KHDRBS2: variants seen among roughly 807,000 people sequenced by gnomAD.
KHDRBS2 encodes KH domain-containing, RNA-binding, signal transduction-associated protein 2.
A neutral mutation model predicts 44.3 loss-of-function variants in KHDRBS2; 26 were observed. The ratio of observed to expected loss-of-function variants is 0.59; its 90% CI spans 0.43 to 0.81. The LOEUF is 0.81. KHDRBS2 is among the 40% of genes least tolerant of loss of function. The pLI, the probability that KHDRBS2 is intolerant of heterozygous loss-of-function variation, is 0.00. For missense variants in KHDRBS2, 476 were observed against 433.1 expected (o/e 1.10, Z -0.88); for synonymous variants, 194 against 151.1 (o/e 1.28, Z -2.08).
chr6:61,574,778 G>A, the KHDRBS2 span, among the ~76,000 whole-genome samples: 2 of 151,914 alleles, frequency 1.3e-5, no homozygotes, highest in Admixed American at 1.3e-4. Flanking sequence ...GTGTGGTGGC[G>A]GGGGCCCGTA....
intron 4 of KHDRBS2, among the ~76,000 whole-genome samples, chr6:61,968,290 G>A (rs932408850): frequency 1.3e-5 from 2 of 151,968 alleles, no homozygotes; most frequent in South Asian, 2.1e-4. Context: ...AGATATGAGA[G>A]TATTCCTGAA....
chr6:61,631,662 C>T, the KHDRBS2 span, among the ~76,000 whole-genome samples: 1 of 152,030 alleles, frequency 6.6e-6, no homozygotes, highest in Non-Finnish European at 1.5e-5. Flanking sequence ...GGCAGAAATC[C>T]TTCTAAAGCT....
At chr6:61,936,000 T>C (rs1416155752) in intron 4 of KHDRBS2, among the ~76,000 whole-genome samples, 1 of 152,070 alleles carries the variant, frequency 6.6e-6, no homozygotes, top group Non-Finnish European at 1.5e-5. Context: ...TCTTTCTAAT[T>C]CATGATTTTA....
the KHDRBS2 span, among the ~76,000 whole-genome samples, chr6:61,559,231 A>C: frequency 4.6e-5 from 7 of 152,138 alleles, no homozygotes; most frequent in African/African-American, 1.7e-4. Flanking sequence ...ATAAGTATAG[A>C]AACTCCTGCT....
At chr6:61,851,520 T>A (rs1254990582) in intron 6 of KHDRBS2, among the ~76,000 whole-genome samples, 1 of 152,038 alleles carries the variant, frequency 6.6e-6, no homozygotes, top group Non-Finnish European at 1.5e-5. Context: ...CCATTACGAC[T>A]GGTATCATCA....
At chr6:61,992,434 C>A (rs983928435) in intron 3 of KHDRBS2, among the ~76,000 whole-genome samples, 1 of 152,142 alleles carries the variant, frequency 6.6e-6, no homozygotes, top group African/African-American at 2.4e-5. Flanking sequence ...ACAGACTCAG[C>A]AATGCAGAAG....
chr6:62,104,836 G>C (rs1481567418), intron 2 of KHDRBS2, among the ~76,000 whole-genome samples: 1 of 151,832 alleles, frequency 6.6e-6, no homozygotes, highest in African/African-American at 2.4e-5. Flanking sequence ...TAATAATAGA[G>C]TAAAATTAAC....
At chr6:62,065,858 T>G (rs1584474305) in intron 2 of KHDRBS2, among the ~76,000 whole-genome samples, 2 of 151,800 alleles carry the variant, frequency 1.3e-5, no homozygotes, top group Admixed American at 6.6e-5. Context: ...TGATTCAACA[T>G]GAATTTTAAT....
At chr6:62,170,407 C>T (rs1330651515) in intron 2 of KHDRBS2, among the ~76,000 whole-genome samples, 2 of 152,052 alleles carry the variant, frequency 1.3e-5, no homozygotes, top group Non-Finnish European at 2.9e-5. Flanking sequence ...GGGGCTCCTC[C>T]AAGGCCTGGG....
chr6:62,127,118 C>G (rs1363026107), intron 2 of KHDRBS2, among the ~76,000 whole-genome samples: 1 of 152,152 alleles, frequency 6.6e-6, no homozygotes. Flanking sequence ...GTGGTTTAAA[C>G]TAGGAGGACA....
At chr6:61,965,565 G>T (rs1166475130) in intron 4 of KHDRBS2, among the ~76,000 whole-genome samples, 1 of 151,962 alleles carries the variant, frequency 6.6e-6, no homozygotes, top group Non-Finnish European at 1.5e-5. Flanking sequence ...TTGGTTGAGG[G>T]TCAGGTAGTG....
rs114098267 is a variant in KHDRBS2 at position 61,786,056 on chromosome 6, C to G, written c.811-53292G>C. ...TCTCTTTCTCGTTCATACACACACA[C>G]ACACATAGTTCCCTGATACCTCATG... On this transcript the variant is annotated intron_variant, in intron 6 of 8. Transcript: ENST00000281156. Among the ~76,000 whole-genome samples the G allele has an allele frequency of 8.4e-3, 1,273 of 152,154 alleles. 19 individuals carry two copies. Among genetic ancestry groups the G allele is most frequent in the African/African-American group, 0.029 (1,191 of 41,554 alleles).
intron 1 of KHDRBS2, among the ~76,000 whole-genome samples, chr6:62,221,128 C>CA (rs1204424480): frequency 0.025 from 3,350 of 136,276 alleles, 110 homozygotes; most frequent in African/African-American, 0.082. Flanking sequence ...CCAGCCATAC[C>CA]AAAAAAAAAA....
At chr6:61,842,090 A>T (rs1793690221) in intron 6 of KHDRBS2, among the ~76,000 whole-genome samples, 1 of 152,136 alleles carries the variant, frequency 6.6e-6, no homozygotes, top group African/African-American at 2.4e-5. Flanking sequence ...GGCTTCTATG[A>T]CATCTGAAAT....
chr6:61,801,282 C>A (rs1786224481), intron 6 of KHDRBS2, among the ~76,000 whole-genome samples: 1 of 151,742 alleles, frequency 6.6e-6, no homozygotes, highest in South Asian at 2.1e-4. Context: ...TGATTTCTAT[C>A]CTTAAGGAGT....
intron 3 of KHDRBS2, among the ~76,000 whole-genome samples, chr6:62,023,451 TC>T (rs1425147251): frequency 4.6e-5 from 7 of 151,650 alleles, no homozygotes. Context: ...CCCTCATTTT[TC>T]ATACTAAATT....
intron 2 of KHDRBS2, among the ~76,000 whole-genome samples, chr6:62,164,925 T>C (rs1244236782): frequency 5.9e-5 from 9 of 151,916 alleles, no homozygotes; most frequent in Non-Finnish European, 1.3e-4. Flanking sequence ...GTTCACATTT[T>C]TTTGAAATTT....
chr6:61,844,294 A>G (rs1583121863), intron 6 of KHDRBS2, among the ~76,000 whole-genome samples: 1 of 152,284 alleles, frequency 6.6e-6, no homozygotes, highest in East Asian at 1.9e-4. Context: ...AATCTTCACT[A>G]AAGTACATTC....
the KHDRBS2 span, among the ~76,000 whole-genome samples, chr6:61,663,361 T>C: frequency 2.0e-5 from 3 of 147,010 alleles, no homozygotes; most frequent in Admixed American, 6.9e-5. Context: ...GTAACAAACC[T>C]GCACATTGTG....
Sources: allele counts gnomAD v4.1 joint callset (sites outside exome capture counted in the v4.1 genomes callset), GRCh38; gene constraint gnomAD v4.1.1; transcripts MANE v1.5; gene names NCBI Gene and HGNC (gene_info 2026-07-23, HGNC 2026-07-21).